PPP4R1: variants seen among roughly 807,000 people sequenced by gnomAD.
PPP4R1 encodes the protein protein phosphatase 4 regulatory subunit 1.
In PPP4R1, 42 loss-of-function variants were observed where a neutral mutation model predicts 111.2. The observed-to-expected ratio is 0.38, with a 90% CI of 0.29 to 0.49. The LOEUF (loss-of-function observed/expected upper bound fraction) is 0.49. Ranked by LOEUF, PPP4R1 falls within the 20% of genes least tolerant of loss-of-function variation. PPP4R1 has a pLI of 0.97. For synonymous variants in PPP4R1, 409 were observed against 405.5 expected, an observed-to-expected ratio of 1.01 and a Z score of -0.10; for missense variants, 1,012 against 1,161.6, an observed-to-expected ratio of 0.87 and a Z score of 1.87.
intron 10 of PPP4R1, among the ~76,000 whole-genome samples, chr18:9,572,892 A>C (rs141173851): frequency 9.3e-4 from 141 of 152,336 alleles, no homozygotes; most frequent in African/African-American, 3.2e-3. Flanking sequence ...ATGCATATAT[A>C]ATACAATTGT....
chr18:9,611,247 T>A (rs1045257655), intron 2 of PPP4R1, among the ~76,000 whole-genome samples: 4 of 152,134 alleles, frequency 2.6e-5, no homozygotes, highest in African/African-American at 9.7e-5. Flanking sequence ...GCTGAAGTAG[T>A]AGGACTTGTT....
At chr18:9,557,981 T>C (rs1284736891) in intron 14 of PPP4R1, among the ~76,000 whole-genome samples, 1 of 152,230 alleles carries the variant, frequency 6.6e-6, no homozygotes, top group African/African-American at 2.4e-5. Flanking sequence ...TTTTAAGGAA[T>C]TGGCAATTTA....
intron 9 of PPP4R1, among the ~76,000 whole-genome samples, chr18:9,577,510 C>T (rs1223504649): frequency 5.9e-5 from 9 of 151,990 alleles, no homozygotes; most frequent in Non-Finnish European, 1.3e-4. Flanking sequence ...ACAAAAAATA[C>T]CAAAGTTAGC....
rs2067487295 is a variant in PPP4R1, at chr18:9,606,676, T to C, written c.52+7550A>G. On this transcript the variant is annotated intron_variant, in intron 2 of 19. Transcript: ENST00000400556. ...AGTATACTATATGTATATTCATATA[T>C]GTATTTATATTTATATATATACACC... 2.6e-5 allele frequency among the ~76,000 whole-genome samples: 4 copies of C among 152,036 alleles called. No individual in the cohort carries two copies. In the South Asian group the frequency reaches 8.3e-4, roughly 31 times the overall value.
chr18:9,607,098 C>G (rs1234691951), intron 2 of PPP4R1, among the ~76,000 whole-genome samples: 1 of 152,126 alleles, frequency 6.6e-6, no homozygotes, highest in African/African-American at 2.4e-5. Flanking sequence ...GTGGCTCACA[C>G]CTGTAATTCC....
At chr18:9,615,183 C>G (rs576648325), upstream of PPP4R1, 5 of 152,284 alleles carry the variant, frequency 3.3e-5, no homozygotes, top group Non-Finnish European at 7.3e-5. Flanking sequence ...CAAAGTCATG[C>G]CTGCCTAGCC....
At chr18:9,568,223 C>CT (rs2066801729) in intron 11 of PPP4R1, among the ~76,000 whole-genome samples, 1 of 152,130 alleles carries the variant, frequency 6.6e-6, no homozygotes, top group Non-Finnish European at 1.5e-5. Context: ...GGGGGTCTTG[C>CT]TATGTTGCCC....
intron 11 of PPP4R1, among the ~76,000 whole-genome samples, chr18:9,569,938 T>TG (rs1382204301): frequency 1.3e-5 from 2 of 152,044 alleles, no homozygotes; most frequent in Non-Finnish European, 2.9e-5. Context: ...TTTGTAGAGA[T>TG]GGGGTCTTAC....
chr18:9,583,667 T>A (rs1421630154), intron 8 of PPP4R1, among the ~76,000 whole-genome samples: 2 of 152,190 alleles, frequency 1.3e-5, no homozygotes, highest in African/African-American at 4.8e-5. Flanking sequence ...ACGCCCAGCC[T>A]CAGTGTTTTA....
intron 11 of PPP4R1, among the ~76,000 whole-genome samples, chr18:9,565,631 TG>T (rs1283098119): frequency 6.6e-6 from 1 of 152,192 alleles, no homozygotes; most frequent in Non-Finnish European, 1.5e-5. Flanking sequence ...TTGAGTGGTC[TG>T]GACAGAAATC....
In PPP4R1 at chr18:9,581,526, A is replaced by G. The variant is rs188890411; in HGVS notation, c.918+1591T>C. 6.1e-5 allele frequency among the ~76,000 whole-genome samples: 9 copies of G among 148,434 alleles called. No individual in the cohort carries two copies. The East Asian group carries it at 1.7e-3, about 29-fold the overall frequency. ...GATCAATAGAGATTATGCAAGCCAA[A>G]GAATAGAGAGGGGGAAAAAATTGAG... On this transcript the variant is annotated intron_variant, in intron 9 of 19. Coordinates refer to ENST00000400556, the MANE Select transcript of PPP4R1 (RefSeq NM_001042388.3).
intron 2 of PPP4R1, among the ~76,000 whole-genome samples, chr18:9,600,747 G>A (rs1304024662): frequency 6.6e-6 from 1 of 152,074 alleles, no homozygotes; most frequent in Non-Finnish European, 1.5e-5. Context: ...TGGGGGTGGT[G>A]GTGCACACCT....
At chr18:9,558,702 T>C (rs2066626287) in intron 14 of PPP4R1, among the ~76,000 whole-genome samples, 1 of 152,016 alleles carries the variant, frequency 6.6e-6, no homozygotes, top group Non-Finnish European at 1.5e-5. Context: ...TCAGACTGTT[T>C]TTTTTTTTTT....
upstream of PPP4R1, among the ~76,000 whole-genome samples, chr18:9,616,720 A>G (rs1444556129): frequency 6.6e-6 from 1 of 152,272 alleles, no homozygotes; most frequent in Non-Finnish European, 1.5e-5. Context: ...CTCAGTAATC[A>G]TGATAAAATA....
upstream of PPP4R1, among the ~76,000 whole-genome samples, chr18:9,616,080 AT>A (rs888856917): frequency 6.6e-6 from 1 of 152,162 alleles, no homozygotes; most frequent in Non-Finnish European, 1.5e-5. Flanking sequence ...GAATGCCCTT[AT>A]GTGAATTCAG....
In PPP4R1 at chr18:9,557,893, C is replaced by T. The variant is rs995895623; in HGVS notation, c.2029-511G>A. On this transcript the variant is annotated intron_variant, in intron 14 of 19. Coordinates refer to ENST00000400556, the MANE Select transcript of PPP4R1 (RefSeq NM_001042388.3). ...ACCAAAGGATCTCTAGCACCCTCCC[C>T]GGTTTACTGTTCCCCTTCAGATTCC... 4.6e-5 allele frequency among the ~76,000 whole-genome samples: 7 copies of T among 152,370 alleles called. No individual in the cohort carries two copies. The East Asian group carries it at 5.8e-4, about 13-fold the overall frequency.
intron 2 of PPP4R1, among the ~76,000 whole-genome samples, chr18:9,600,169 T>C (rs1458948270): frequency 7.2e-6 from 1 of 138,868 alleles, no homozygotes; most frequent in Non-Finnish European, 1.5e-5. Flanking sequence ...GTACAGACAC[T>C]GGTGACAAAT....
intron 11 of PPP4R1, among the ~76,000 whole-genome samples, chr18:9,566,520 G>A (rs1457924523): frequency 6.6e-6 from 1 of 151,970 alleles, no homozygotes; most frequent in African/African-American, 2.4e-5. Flanking sequence ...GCATGGCGGT[G>A]CATGCCTGTA....
At chr18:9,565,893 AG>A (rs1568095744) in intron 11 of PPP4R1, among the ~76,000 whole-genome samples, 1 of 152,206 alleles carries the variant, frequency 6.6e-6, no homozygotes, top group Non-Finnish European at 1.5e-5. Context: ...TAAGCCACTA[AG>A]GTAGCTACAC....
Sources: allele counts gnomAD v4.1 joint callset (sites outside exome capture counted in the v4.1 genomes callset), GRCh38; gene constraint gnomAD v4.1.1; transcripts MANE v1.5; gene names NCBI Gene and HGNC (gene_info 2026-07-23, HGNC 2026-07-21).